Variants in SEL1L2 observed in about 807,000 individuals in gnomAD.
SEL1L2 encodes the protein SEL1L2 adaptor subunit of SYVN1 ubiquitin ligase.
SEL1L2 carries 89 observed loss-of-function variants against 98.8 expected under a neutral mutation model. That is an observed-to-expected ratio of 0.90 (90% CI 0.76 to 1.07). The LOEUF (loss-of-function observed/expected upper bound fraction) is 1.07. Ranked by LOEUF, SEL1L2 falls within the 50% of genes least tolerant of loss-of-function variation. The pLI, the probability that SEL1L2 is intolerant of heterozygous loss-of-function variation, is 0.00. For synonymous variants in SEL1L2, 262 were observed against 278.5 expected (o/e 0.94, Z 0.59); for missense variants, 788 against 812.0 (o/e 0.97, Z 0.36).
intron 17 of SEL1L2, among the ~76,000 whole-genome samples, chr20:13,861,650 C>A (rs1282995438): frequency 6.6e-6 from 1 of 152,092 alleles, no homozygotes; most frequent in Non-Finnish European, 1.5e-5. Context: ...TATTGTTTAG[C>A]TAGAGGATGA....
At chr20:13,981,952 TG>T (rs2051850265) in intron 1 of SEL1L2, among the ~76,000 whole-genome samples, 1 of 152,214 alleles carries the variant, frequency 6.6e-6, no homozygotes, top group South Asian at 2.1e-4. Flanking sequence ...CTGCTTCTAC[TG>T]CTTAGGCTGC....
chr20:13,948,245 C>G (rs1187675053), intron 2 of SEL1L2, among the ~76,000 whole-genome samples: 1 of 140,496 alleles, frequency 7.1e-6, no homozygotes, highest in Non-Finnish European at 1.5e-5. Flanking sequence ...TTTTTTTTTT[C>G]AGAAATAGAG....
At chr20:13,914,077 A>C (rs2048308570) in intron 4 of SEL1L2, 133 bp from the exon 5 acceptor site, 1 of 690,948 alleles carries the variant, frequency 1.4e-6, no homozygotes, top group African/African-American at 1.9e-5. Flanking sequence ...AGTTCATTAC[A>C]TCTCTAGATC....
intron 13 of SEL1L2, 82 bp from the exon 14 acceptor site, chr20:13,869,672 T>A: frequency 1.0e-6 from 1 of 971,090 alleles, no homozygotes; most frequent in Non-Finnish European, 1.7e-6. Context: ...TTAAAAAGAG[T>A]ATAGACAGTG....
rs2046964612 is a variant in SEL1L2 at position 13,886,556 on chromosome 20, C to G, written c.746-114G>C. ...ATCTTAAATTGTGCAGAAATCTGTT[C>G]AACTAATAGAGACAGAAGATCCATG... On this transcript the variant is annotated intron_variant, in intron 8 of 19. Transcript: ENST00000284951. 17 of 899,532 alleles carry G rather than the reference C, an allele frequency of 1.9e-5. No homozygotes were observed. In the South Asian group the frequency reaches 2.8e-4, roughly 15 times the overall value. 55.7% of individuals were successfully genotyped at this position (899,532 alleles called of 1,614,324 possible). A position where few individuals can be genotyped will look rare whatever the true frequency, so the allele number is the denominator to read the frequency against.
chr20:13,954,987 C>A (rs2050457823), intron 2 of SEL1L2, among the ~76,000 whole-genome samples: 1 of 152,158 alleles, frequency 6.6e-6, no homozygotes, highest in African/African-American at 2.4e-5. Context: ...GAAAAGGTTG[C>A]AATGTACAGA....
chr20:13,852,484 TAGTAAAAAAATCTA>T (rs2147703337), intron 18 of SEL1L2, among the ~76,000 whole-genome samples: 1 of 152,224 alleles, frequency 6.6e-6, no homozygotes, highest in South Asian at 2.1e-4. Flanking sequence ...TGACCCTATT[TAGTAAAAAAATCTA>T]AGTCATGCAA....
intron 3 of SEL1L2, among the ~76,000 whole-genome samples, chr20:13,930,509 C>T (rs759905171): frequency 6.6e-6 from 1 of 152,200 alleles, no homozygotes; most frequent in African/African-American, 2.4e-5. Context: ...TCTCAGATGA[C>T]TCAATTTAAA....
intron 2 of SEL1L2, among the ~76,000 whole-genome samples, chr20:13,954,508 C>T (rs2050428688): frequency 6.6e-6 from 1 of 152,082 alleles, no homozygotes; most frequent in African/African-American, 2.4e-5. Context: ...AACATTTACC[C>T]CAATCTTTGA....
Position 13,849,402 on chromosome 20 carries a change from A to C in SEL1L2, c.*83T>G. 2 of 1,543,640 alleles carry C rather than the reference A, an allele frequency of 1.3e-6. No individual in the cohort carries two copies. The highest frequency in any genetic ancestry group is 1.8e-6 in the Non-Finnish European group (2 of 1,133,632). ...AGCGGGAAACTGCAGCGGACTCTTG[A>C]TTTGGATGGGAAACTGTTTATTTAG... On this transcript the variant is annotated 3_prime_UTR_variant, in exon 20 of 20. Coordinates refer to ENST00000284951, the MANE Select transcript of SEL1L2 (RefSeq NM_025229.2).
intron 2 of SEL1L2, among the ~76,000 whole-genome samples, chr20:13,950,956 C>A (rs1373251105): frequency 6.6e-6 from 1 of 152,044 alleles, no homozygotes; most frequent in Non-Finnish European, 1.5e-5. Context: ...AGAAGTACGA[C>A]CCTGAAGTTA....
At chr20:13,932,441 A>T (rs570348275) in intron 2 of SEL1L2, among the ~76,000 whole-genome samples, 3,045 of 64,450 alleles carry the variant, frequency 0.047, 51 homozygotes, top group Non-Finnish European at 0.078. Flanking sequence ...TATTATTATT[A>T]TTATTTTTTG....
chr20:13,929,268 TA>T (rs1376837026), intron 3 of SEL1L2, among the ~76,000 whole-genome samples: 3 of 150,630 alleles, frequency 2.0e-5, no homozygotes, highest in South Asian at 2.1e-4. Context: ...TTTTTTTTTT[TA>T]ATCTTTTTCT....
upstream of SEL1L2, among the ~76,000 whole-genome samples, chr20:13,992,361 G>A (rs746119327): frequency 3.1e-4 from 47 of 152,112 alleles, no homozygotes; most frequent in Non-Finnish European, 4.0e-4. Flanking sequence ...AAAATTAGCC[G>A]GGCATGGTGG....
intron 3 of SEL1L2, among the ~76,000 whole-genome samples, chr20:13,930,852 T>G (rs2049112357): frequency 6.6e-6 from 1 of 151,804 alleles, no homozygotes; most frequent in Non-Finnish European, 1.5e-5. Flanking sequence ...CTGTATTTAC[T>G]TGTGTCAGAA....
intron 2 of SEL1L2, among the ~76,000 whole-genome samples, chr20:13,951,780 A>C (rs535646708): frequency 6.6e-6 from 1 of 151,012 alleles, no homozygotes; most frequent in South Asian, 2.1e-4. Context: ...TTGTCATTAA[A>C]TTCTAAACTC....
At chr20:13,897,370 C>A (rs559721540) in intron 5 of SEL1L2, among the ~76,000 whole-genome samples, 29 of 150,868 alleles carry the variant, frequency 1.9e-4, no homozygotes, top group Non-Finnish European at 3.8e-4. Context: ...GATATCACAA[C>A]AAATGTGCAG....
chr20:13,888,638 T>TC (rs2047065801), intron 5 of SEL1L2, 126 bp from the exon 6 acceptor site: 1 of 396,692 alleles, frequency 2.5e-6, no homozygotes, highest in African/African-American at 2.5e-5. Flanking sequence ...TCTTTCTCTT[T>TC]TTTTTTTTTT....
At chr20:13,876,230 C>A in intron 11 of SEL1L2, 115 bp from the exon 12 acceptor site, 2 of 733,430 alleles carry the variant, frequency 2.7e-6, no homozygotes, top group East Asian at 5.2e-5. Flanking sequence ...TAGTAAATGC[C>A]ACTGTAAATG....
Sources: allele counts gnomAD v4.1 joint callset (sites outside exome capture counted in the v4.1 genomes callset), GRCh38; gene constraint gnomAD v4.1.1; transcripts MANE v1.5; gene names NCBI Gene and HGNC (gene_info 2026-07-23, HGNC 2026-07-21).